The following LATS2 variants were observed in gnomAD, a reference collection of about 807,000 sequenced individuals.
LATS2 encodes large tumor suppressor kinase 2, also known as serine/threonine-protein kinase LATS2.
Under a neutral mutation model 76.0 loss-of-function variants are expected in LATS2, and 24 were observed. The ratio of observed to expected loss-of-function variants is 0.32; its 90% CI spans 0.23 to 0.44. The LOEUF (loss-of-function observed/expected upper bound fraction) is 0.44, where lower values mean the gene tolerates loss of function less well. LATS2 is among the 20% of genes least tolerant of loss of function. The pLI is 1.00. For missense variants in LATS2, 1,286 were observed against 1,481.2 expected (o/e 0.87, Z 2.16); for synonymous variants, 692 against 635.4 (o/e 1.09, Z -1.34).
At position 20,997,710 on chromosome 13, in the gene LATS2, C is replaced by T. The variant is rs528470026; in HGVS notation, c.343-6306G>A. Among the ~76,000 whole-genome samples the T allele has an allele frequency of 1.9e-4, 29 of 152,350 alleles. No individual in the cohort carries two copies. In the East Asian group the frequency reaches 5.4e-3, roughly 28 times the overall value. On this transcript the variant is annotated intron_variant, in intron 2 of 7. Coordinates refer to ENST00000382592, the MANE Select transcript of LATS2 (RefSeq NM_014572.3). Reference sequence around the variant, plus strand: ...TGGTCCCCTTCTACTAAGCACAGGGCTTACGAGGACGGGTGGGAACTGGAA... The same window carrying T: ...TGGTCCCCTTCTACTAAGCACAGGGTTTACGAGGACGGGTGGGAACTGGAA...
Position 21,045,914 on chromosome 13 carries a change from G to C in LATS2, c.113C>G (p.Pro38Arg). The change falls in exon 2 of 8, where the codon CCC (proline) becomes CGC (arginine). Residue 38 changes from proline to arginine, a missense_variant. Pro to Arg is a moderately radical substitution (Grantham distance 103). This residue lies in a region of LATS2 where 101 missense variants were observed against 141.4 expected (regional missense o/e 0.71). Transcript: ENST00000382592. ...GGAAGTGTCACTGTTTGGTCCTGCG[G>C]GTAGCCCCTGAACCGAAGACTTGGA... is the stretch of plus-strand genomic sequence containing the variant. ...QPSKSSVQGL[P>R]AGPNSDTSLD... The C allele has an allele frequency of 1.2e-6, 2 of 1,614,134 alleles. No individual in the cohort carries two copies. Among genetic ancestry groups the C allele is most frequent in the Non-Finnish European group, 8.5e-7 (1 of 1,180,020 alleles).
chr13:21,007,575 A>T (rs537429266), intron 2 of LATS2, among the ~76,000 whole-genome samples: 1 of 20,066 alleles, frequency 5.0e-5, no homozygotes, highest in Non-Finnish European at 6.7e-5. Flanking sequence ...ATATATATAT[A>T]TATATATATA....
rs758560733 is a variant in LATS2, at chr13:20,988,556, G to A, written c.1224C>T (p.Ser408=). 3.8e-6 allele frequency: 6 copies of A among 1,583,766 alleles called. No homozygotes were observed. Among genetic ancestry groups the A allele is most frequent in the Non-Finnish European group, 5.1e-6 (6 of 1,173,408 alleles). The change falls in exon 4 of 8, where the codon TCC becomes TCT. Residue 408 remains serine, a synonymous_variant. Transcript: ENST00000382592. Reference sequence around the variant, plus strand: ...CGGGCCGCGGCTGGTGGCTGTTGAAGGAGTTGGTCCTGCTGGGCACTGGGC... The same window carrying A: ...CGGGCCGCGGCTGGTGGCTGTTGAAAGAGTTGGTCCTGCTGGGCACTGGGC... The part of the protein sequence containing the change: ...PDCPVPSRTN[S]FNSHQPRPGP...
intron 2 of LATS2, among the ~76,000 whole-genome samples, chr13:21,026,013 C>G (rs1474177869): frequency 1.3e-5 from 2 of 152,180 alleles, no homozygotes; most frequent in Non-Finnish European, 2.9e-5. Context: ...CTAGCCTGAC[C>G]ATCTTTAAGC....
intron 2 of LATS2, among the ~76,000 whole-genome samples, chr13:21,018,555 T>A (rs644431): frequency 3.3e-5 from 5 of 152,264 alleles, no homozygotes; most frequent in East Asian, 1.9e-4. Flanking sequence ...GCGCAGCAGG[T>A]CCAGGAAGAC....
chr13:21,049,767 G>A (rs1217261553), intron 1 of LATS2, among the ~76,000 whole-genome samples: 1 of 152,168 alleles, frequency 6.6e-6, no homozygotes, highest in African/African-American at 2.4e-5. Flanking sequence ...AGTTGGGGGT[G>A]GCTGAAGGAG....
intron 2 of LATS2, among the ~76,000 whole-genome samples, chr13:21,028,151 T>C (rs1872385543): frequency 6.6e-6 from 1 of 152,072 alleles, no homozygotes. Flanking sequence ...CATTGTTCAA[T>C]TCCCATCTAT....
chr13:21,007,565 A>T (rs1355409745), intron 2 of LATS2, among the ~76,000 whole-genome samples: 2 of 17,218 alleles, frequency 1.2e-4, no homozygotes, highest in African/African-American at 1.3e-3. Flanking sequence ...ATATATATAT[A>T]TATATATATA....
rs766647771 is a variant in LATS2, at chr13:20,988,082, G to A, written c.1698C>T (p.Gly566=). The A allele has an allele frequency of 1.5e-5, 24 of 1,614,140 alleles. No homozygotes were observed. The highest frequency in any genetic ancestry group is 1.9e-5 in the Non-Finnish European group (23 of 1,180,056). Reference sequence around the variant, plus strand: ...TCTGAATCTGCTTTTTATCCTTTCCGCCTTTGTCCCCCTTGGCGCTTTTGC... The same window carrying A: ...TCTGAATCTGCTTTTTATCCTTTCCACCTTTGTCCCCCTTGGCGCTTTTGC... ...KSRKSAKGDK[G]GKDKKQIQTS... Residue 566 remains glycine, a synonymous_variant, in exon 4 of 8, where the codon GGC becomes GGT. Coordinates refer to ENST00000382592, the MANE Select transcript of LATS2 (RefSeq NM_014572.3).
Position 21,053,275 on chromosome 13 carries a change from T to C in LATS2, c.-204-7045A>G, listed in dbSNP as rs775508994. Among the ~76,000 whole-genome samples the C allele has an allele frequency of 2.9e-5, 4 of 135,834 alleles. No homozygotes were observed. The South Asian group carries it at 7.1e-4, about 24-fold the overall frequency. 89.1% of individuals were successfully genotyped at this position (135,834 alleles called of 152,430 possible). ...AAAAAAAGCCCAACTCAACCCCACC[T>C]GCCTGGCTCACTCCTACTCCTAAAA... On this transcript the variant is annotated intron_variant, in intron 1 of 7. Coordinates refer to ENST00000382592, the MANE Select transcript of LATS2 (RefSeq NM_014572.3).
At chr13:21,053,134 C>G (rs1426078929) in intron 1 of LATS2, among the ~76,000 whole-genome samples, 1 of 148,300 alleles carries the variant, frequency 6.7e-6, no homozygotes, top group Non-Finnish European at 1.5e-5. Flanking sequence ...ACTAGGGAGG[C>G]TGAGGCAGGA....
At chr13:20,993,930 C>T (rs1870626024) in intron 2 of LATS2, among the ~76,000 whole-genome samples, 1 of 152,214 alleles carries the variant, frequency 6.6e-6, no homozygotes, top group South Asian at 2.1e-4. Context: ...TCCATCAGCA[C>T]TAACCGTTCA....
intron 2 of LATS2, among the ~76,000 whole-genome samples, chr13:21,033,634 A>T (rs1387899716): frequency 1.3e-5 from 2 of 149,610 alleles, no homozygotes; most frequent in Non-Finnish European, 3.0e-5. Context: ...TCCAAGGTTG[A>T]CAGACGGCAC....
chr13:21,011,905 T>A (rs572224), intron 2 of LATS2, among the ~76,000 whole-genome samples: 1 of 152,114 alleles, frequency 6.6e-6, no homozygotes, highest in African/African-American at 2.4e-5. Flanking sequence ...AGTACAGTCC[T>A]CACTTAACAT....
chr13:21,045,573 T>C, intron 2 of LATS2, 112 bp downstream of exon 2: 1 of 754,186 alleles, frequency 1.3e-6, no homozygotes, highest in Non-Finnish European at 2.1e-6. Context: ...CTAGAAACAC[T>C]TGTATAAGTA....
chr13:21,059,254 T>G (rs1231774302), intron 1 of LATS2, among the ~76,000 whole-genome samples: 1 of 152,246 alleles, frequency 6.6e-6, no homozygotes, highest in Non-Finnish European at 1.5e-5. Context: ...AAATGTATAC[T>G]CTATGGCTTA....
Position 20,988,938 on chromosome 13 carries a change from G to A in LATS2, c.842C>T (p.Pro281Leu). 9 of 1,528,294 alleles carry A rather than the reference G, an allele frequency of 5.9e-6. No individual in the cohort carries two copies. Among genetic ancestry groups the A allele is most frequent in the East Asian group, 2.4e-5 (1 of 40,824 alleles). The allele number at this position is 1,528,294 out of a possible 1,614,324, so 94.7% of individuals were successfully genotyped here. A position where few individuals can be genotyped will look rare whatever the true frequency, so the allele number is the denominator to read the frequency against. ...CAGGCTGGCGTAACCCCCGGTCTCC[G>A]GCGGCGTCTTGCTCTGGAAGGAGGG... Reference protein sequence around the residue: ...RSPSFQSKTPPETGGYASLPT... With the variant: ...RSPSFQSKTPLETGGYASLPT... The change falls in exon 4 of 8, where the codon CCG (proline) becomes CTG (leucine). Residue 281 changes from proline (P) to leucine (L), a missense_variant. This residue lies in a region of LATS2 where 710 missense variants were observed against 660.9 expected (regional missense o/e 1.07). Coordinates refer to ENST00000382592, the MANE Select transcript of LATS2 (RefSeq NM_014572.3).
chr13:20,974,928 T>A lies in LATS2; in HGVS notation c.3209A>T (p.Asp1070Val). The part of the protein sequence containing the change: ...GAEASQAESS[D>V]LESSDLVDQT... ...ATCCACCAGATCAGAGCTTTCTAAA[T>A]CTGAGCTCTCAGCCTGTGAAGCTTC... Residue 1070 changes from aspartate (D) to valine (V), a missense_variant, in exon 8 of 8, where the codon GAT (aspartate) becomes GTT (valine). Physicochemically the swap from Asp to Val is radical, Grantham distance 152 (BLOSUM62 -3). Coordinates refer to ENST00000382592, the MANE Select transcript of LATS2 (RefSeq NM_014572.3). 6.2e-7 allele frequency: 1 copy of A among 1,614,176 alleles called. No individual in the cohort carries two copies. Among genetic ancestry groups the A allele is most frequent in the Non-Finnish European group, 8.5e-7 (1 of 1,180,024 alleles).
intron 2 of LATS2, among the ~76,000 whole-genome samples, chr13:20,993,369 T>C (rs2138301013): frequency 6.6e-6 from 1 of 152,324 alleles, no homozygotes; most frequent in South Asian, 2.1e-4. Flanking sequence ...TATGATGGTC[T>C]AATACTGAAT....
Sources: gnomAD v4.1 joint callset for allele counts (sites outside exome capture counted in the v4.1 genomes callset) on GRCh38, gnomAD v4.1.1 for gene constraint, gnomAD v4.1.1 regional missense constraint, MANE v1.5 for transcripts, NCBI Gene and HGNC (gene_info 2026-07-23, HGNC 2026-07-21) for gene names.